The following PCDHGC5 variants were observed in gnomAD, a reference collection of about 807,000 sequenced individuals.
The protein encoded by PCDHGC5 is protocadherin gamma subfamily C, 5.
PCDHGC5 carries 25 observed loss-of-function variants against 59.0 expected under a neutral mutation model. The ratio of observed to expected loss-of-function variants is 0.42; its 90% CI spans 0.31 to 0.59. The LOEUF (loss-of-function observed/expected upper bound fraction) is 0.59. Among genes scored for constraint, PCDHGC5 ranks in the 20% least tolerant of loss-of-function variants. The pLI is 0.13. For missense variants in PCDHGC5, 1,067 were observed against 1,206.4 expected, an observed-to-expected ratio of 0.88 and a Z score of 1.71; for synonymous variants, 434 against 505.5, an observed-to-expected ratio of 0.86 and a Z score of 1.90.
In PCDHGC5 at chr5:141,489,515, G is replaced by A. The variant is rs983415025; in HGVS notation, c.275G>A (p.Arg92Gln). The change falls in exon 1 of 4, where the codon CGA becomes CAA. Residue 92 changes from arginine (R) to glutamine (Q), a missense_variant. Arg to Gln is a conservative substitution (Grantham distance 43). Coordinates refer to ENST00000252087, the MANE Select transcript of PCDHGC5 (RefSeq NM_018929.3). The surrounding 1 kb of genome is among the most constrained non-coding windows in gnomAD (Gnocchi z 4.5). ...CTGGCAGTGAATCAAAAGATTGACC[G>A]AGAAAGCCTATGTGGAGCCAGCACC... ...GALAVNQKID[R>Q]ESLCGASTSC... 2 of 1,614,104 alleles carry A rather than the reference G, an allele frequency of 1.2e-6. No homozygotes were observed. Among genetic ancestry groups the A allele is most frequent in the Non-Finnish European group, 8.5e-7 (1 of 1,180,034 alleles).
intron 1 of PCDHGC5, among the ~76,000 whole-genome samples, chr5:141,492,329 C>T (rs2099739386): frequency 1.3e-5 from 2 of 152,232 alleles, no homozygotes; most frequent in African/African-American, 4.8e-5. Context: ...CGTGGGCTTA[C>T]GCGAATACCA....
chr5:141,491,826 C>G lies in PCDHGC5; in HGVS notation c.2460+126C>G. ...GGCTTGGTCGCTGGCTGCGCTCCAC[C>G]CGATTCTCGGGATCATTGGACCGTT... On this transcript the variant is annotated intron_variant, in intron 1 of 3. Coordinates refer to ENST00000252087, the MANE Select transcript of PCDHGC5 (RefSeq NM_018929.3). The surrounding 1 kb of genome is among the most constrained non-coding windows in gnomAD (Gnocchi z 6.9). 1 of 1,477,526 alleles carries G rather than the reference C, an allele frequency of 6.8e-7. No individual in the cohort carries two copies. The highest frequency in any genetic ancestry group is 9.0e-7 in the Non-Finnish European group (1 of 1,114,486). 91.5% of individuals were successfully genotyped at this position (1,477,526 alleles called of 1,614,324 possible). A position where few individuals can be genotyped will look rare whatever the true frequency, so the allele number is the denominator to read the frequency against.
rs1446853595 is a variant in PCDHGC5, at chr5:141,491,363, C to T, written c.2123C>T (p.Thr708Ile). ...ACCGTCAGTCTCTTATCCCTAGTCA[C>T]CTTCACCTTTCTGTCAGCGAAGTGC... ...LATVSLLSLV[T>I]FTFLSAKCLQ... Residue 708 changes from threonine (T) to isoleucine (I), a missense_variant, in exon 1 of 4, where the codon ACC becomes ATC. Thr to Ile is a moderately conservative substitution (Grantham distance 89). Coordinates refer to ENST00000252087, the MANE Select transcript of PCDHGC5 (RefSeq NM_018929.3). This position sits in a 1 kb window ranked among gnomAD's most constrained non-coding sequence, Gnocchi z 6.9. The T allele has an allele frequency of 6.2e-7, 1 of 1,614,182 alleles. No individual in the cohort carries two copies. Among genetic ancestry groups the T allele is most frequent in the South Asian group, 1.1e-5 (1 of 91,082 alleles).
chr5:141,510,791 A>C (rs1244085822), intron 3 of PCDHGC5, 156 bp from the exon 4 acceptor site: 1 of 929,250 alleles, frequency 1.1e-6, no homozygotes, highest in Non-Finnish European at 1.3e-6. Context: ...AACTCTTGTG[A>C]AGAGAGACTA....
Position 141,511,151 on chromosome 5 carries a change from C to T in PCDHGC5, c.2813C>T (p.Ser938Leu), listed in dbSNP as rs202071188. The T allele has an allele frequency of 3.0e-5, 49 of 1,614,152 alleles. No individual in the cohort carries two copies. The highest frequency in any genetic ancestry group is 2.6e-4 in the South Asian group (24 of 91,066). The change falls in exon 4 of 4, where the codon TCG becomes TTG. Residue 938 changes from serine (S) to leucine (L), a missense_variant. Ser to Leu is a moderately radical substitution (Grantham distance 145, BLOSUM62 -2). Coordinates refer to ENST00000252087, the MANE Select transcript of PCDHGC5 (RefSeq NM_018929.3). ...GGTGGCAATGGCAACAAGAAGAAGT[C>T]GGGCAAGAAGGAGAAGAAGTAACAT... ...PAGGNGNKKK[S>L]GKKEKK
chr5:141,505,277 G>A, intron 2 of PCDHGC5, 116 bp from the exon 3 acceptor site: 1 of 1,539,958 alleles, frequency 6.5e-7, no homozygotes, highest in African/African-American at 1.4e-5. Context: ...AGAGAAACAG[G>A]TCTTGGGCAT....
At position 141,511,520 on chromosome 5, in the gene PCDHGC5, A is replaced by C; in HGVS notation, c.*347A>C. On this transcript the variant is annotated 3_prime_UTR_variant, in exon 4 of 4. Coordinates refer to ENST00000252087, the MANE Select transcript of PCDHGC5 (RefSeq NM_018929.3). Reference sequence around the variant, plus strand: ...CAAATCAATCAGGCCCATCCATCCCATGCCTCCCTCCTCCCCACCCCACTC... The same window carrying C: ...CAAATCAATCAGGCCCATCCATCCCCTGCCTCCCTCCTCCCCACCCCACTC... The C allele has an allele frequency of 2.8e-6, 1 of 358,498 alleles. No homozygotes were observed. Among genetic ancestry groups the C allele is most frequent in the Non-Finnish European group, 5.3e-6 (1 of 189,848 alleles). 22.2% of individuals were successfully genotyped at this position (358,498 alleles called of 1,614,324 possible).
rs779065098 is a variant in PCDHGC5, at chr5:141,491,758, C to G, written c.2460+58C>G. The G allele has an allele frequency of 1.9e-6, 3 of 1,578,788 alleles. No individual in the cohort carries two copies. The highest frequency in any genetic ancestry group is 1.7e-4 in the Middle Eastern group (1 of 5,954). ...TGGGGGCGGCACTGGAGAAGCCGCCCGTCCTCATAAGGGATTGAACTTGCA... is the reference window on the plus strand; with the variant it reads ...TGGGGGCGGCACTGGAGAAGCCGCCGGTCCTCATAAGGGATTGAACTTGCA... On this transcript the variant is annotated intron_variant, in intron 1 of 3. Transcript: ENST00000252087. This position sits in a 1 kb window ranked among gnomAD's most constrained non-coding sequence, Gnocchi z 6.9.
Position 141,491,886 on chromosome 5 carries a change from G to A in PCDHGC5, c.2460+186G>A. On this transcript the variant is annotated intron_variant, in intron 1 of 3. Coordinates refer to ENST00000252087, the MANE Select transcript of PCDHGC5 (RefSeq NM_018929.3). The surrounding 1 kb of genome is among the most constrained non-coding windows in gnomAD (Gnocchi z 6.9). ...CCAGAGTGGCCGATTAAGGGATGGG[G>A]CTCCGAGCACCGGGGGTGGTGGCGA... 6.9e-7 allele frequency: 1 copy of A among 1,445,558 alleles called. No individual in the cohort carries two copies. Among genetic ancestry groups the A allele is most frequent in the Non-Finnish European group, 9.1e-7 (1 of 1,093,458 alleles). 89.5% of individuals were successfully genotyped at this position (1,445,558 alleles called of 1,614,324 possible). A position where few individuals can be genotyped will look rare whatever the true frequency, so the allele number is the denominator to read the frequency against.
chr5:141,490,942 C>A lies in PCDHGC5; in HGVS notation c.1702C>A (p.Arg568=), dbSNP rs371286343. Residue 568 remains arginine (R), a synonymous_variant, in exon 1 of 4, where the codon CGG becomes AGG. Coordinates refer to ENST00000252087, the MANE Select transcript of PCDHGC5 (RefSeq NM_018929.3). This position sits in a 1 kb window ranked among gnomAD's most constrained non-coding sequence, Gnocchi z 5.4. ...NDNAPAVLHP[R]PDWEHSAPQR... ...TAATGCCCCAGCTGTGCTGCACCCA[C>A]GGCCAGACTGGGAACACTCAGCCCC... The A allele has an allele frequency of 3.0e-5, 49 of 1,613,526 alleles. No individual in the cohort carries two copies. The highest frequency in any genetic ancestry group is 4.1e-5 in the Non-Finnish European group (48 of 1,179,768).
chr5:141,489,696 C>T lies in PCDHGC5; in HGVS notation c.456C>T (p.Phe152=). Residue 152 remains phenylalanine, a synonymous_variant, in exon 1 of 4, where the codon TTC becomes TTT. Transcript: ENST00000252087. This position sits in a 1 kb window ranked among gnomAD's most constrained non-coding sequence, Gnocchi z 4.5. ...AATCAGCAGCATCTGGGGCACGATT[C>T]CCACTGGACAGTGCCCAGGATCCGG... ...ISESAASGAR[F]PLDSAQDPDV... 6.2e-7 allele frequency: 1 copy of T among 1,614,170 alleles called. No homozygotes were observed. Among genetic ancestry groups the T allele is most frequent in the Non-Finnish European group, 8.5e-7 (1 of 1,180,002 alleles).
At chr5:141,498,231 A>T (rs1213697084) in intron 2 of PCDHGC5, among the ~76,000 whole-genome samples, 1 of 152,268 alleles carries the variant, frequency 6.6e-6, no homozygotes, top group East Asian at 1.9e-4. Flanking sequence ...ATGGTCAGGC[A>T]TACCAGCTTC....
chr5:141,505,182 C>T (rs1302018549), intron 2 of PCDHGC5, among the ~76,000 whole-genome samples: 2 of 152,094 alleles, frequency 1.3e-5, no homozygotes, highest in East Asian at 3.9e-4. Context: ...AAAAAAGCAT[C>T]GGAGGCAGCA....
chr5:141,510,833 C>G, intron 3 of PCDHGC5, 114 bp from the exon 4 acceptor site: 2 of 1,577,796 alleles, frequency 1.3e-6, no homozygotes, highest in Admixed American at 1.7e-5. Context: ...CAGTGCTCAG[C>G]GTGGTCAAGG....
At chr5:141,495,269 CGGAGGAGGCG>C (rs2099759953) in intron 2 of PCDHGC5, among the ~76,000 whole-genome samples, 1 of 152,180 alleles carries the variant, frequency 6.6e-6, no homozygotes, top group Non-Finnish European at 1.5e-5. Context: ...AGCATTTGAC[CGGAGGAGGCG>C]GTCCGCACTC....
At chr5:141,497,307 C>T (rs1295364802) in intron 2 of PCDHGC5, among the ~76,000 whole-genome samples, 1 of 152,096 alleles carries the variant, frequency 6.6e-6, no homozygotes, top group Non-Finnish European at 1.5e-5. Flanking sequence ...CCAGGCCATA[C>T]ACTGGCTTTG....
intron 3 of PCDHGC5, among the ~76,000 whole-genome samples, chr5:141,506,700 G>GT (rs1446452157): frequency 2.0e-5 from 3 of 152,138 alleles, no homozygotes; most frequent in Admixed American, 1.3e-4. Context: ...ACCCAAACCC[G>GT]TTTTTTACTG....
chr5:141,494,021 G>C (rs1036188621), intron 1 of PCDHGC5, among the ~76,000 whole-genome samples: 2 of 152,158 alleles, frequency 1.3e-5, no homozygotes, highest in African/African-American at 2.4e-5. Context: ...CCCCTTGGGA[G>C]CCCTGGAGAC....
Position 141,490,536 on chromosome 5 carries a change from T to C in PCDHGC5, c.1296T>C (p.Pro432=). The part of the protein sequence containing the change: ...IELLASDAGS[P]SLHKHLTIRL... ...TGCTGGCCAGCGATGCTGGTTCACCTTCCCTACACAAACATCTCACCATCA... is the reference window on the plus strand; with the variant it reads ...TGCTGGCCAGCGATGCTGGTTCACCCTCCCTACACAAACATCTCACCATCA... Residue 432 remains proline (P), a synonymous_variant, in exon 1 of 4, where the codon CCT becomes CCC. Transcript: ENST00000252087. The surrounding 1 kb of genome is among the most constrained non-coding windows in gnomAD (Gnocchi z 5.4). The C allele has an allele frequency of 1.9e-6, 3 of 1,614,150 alleles. No individual in the cohort carries two copies. The highest frequency in any genetic ancestry group is 2.5e-6 in the Non-Finnish European group (3 of 1,180,010).
Sources: gnomAD v4.1 joint callset for allele counts (sites outside exome capture counted in the v4.1 genomes callset) on GRCh38, gnomAD v4.1.1 for gene constraint, Gnocchi (gnomAD v3.1) non-coding constraint, MANE v1.5 for transcripts, NCBI Gene and HGNC (gene_info 2026-07-23, HGNC 2026-07-21) for gene names.